Variants in UNC13C observed in about 807,000 individuals in gnomAD.
UNC13C encodes unc-13 homolog C.
In UNC13C, 174 loss-of-function variants were observed where a neutral mutation model predicts 245.4. The ratio of observed to expected loss-of-function variants is 0.71; its 90% CI spans 0.63 to 0.80. The LOEUF is 0.80. Ranked by LOEUF, UNC13C falls within the 30% of genes least tolerant of loss-of-function variation. The pLI is 0.00. For missense variants in UNC13C, 2,829 were observed against 2,602.9 expected (o/e 1.09, Z -1.89); for synonymous variants, 992 against 895.1 (o/e 1.11, Z -1.93).
chr15:53,989,106 A>C (rs576852984), intron 1 of UNC13C, among the ~76,000 whole-genome samples: 1 of 152,118 alleles, frequency 6.6e-6, no homozygotes, highest in South Asian at 2.1e-4. Context: ...GCTTGGTGTG[A>C]GTAAAACAGT....
At chr15:53,839,590 T>C in the UNC13C span, among the ~76,000 whole-genome samples, 1 of 152,094 alleles carries the variant, frequency 6.6e-6, no homozygotes, top group Non-Finnish European at 1.5e-5. Context: ...CTATAAACAG[T>C]ATATGAATTT....
chr15:54,237,883 C>G (rs1026622537), intron 7 of UNC13C, among the ~76,000 whole-genome samples, 193 bp downstream of exon 7: 1 of 152,108 alleles, frequency 6.6e-6, no homozygotes, highest in Non-Finnish European at 1.5e-5. Context: ...TCCTCAAATA[C>G]TTATAAACCT....
chr15:54,180,091 G>A (rs575492688), intron 4 of UNC13C, among the ~76,000 whole-genome samples: 1 of 152,098 alleles, frequency 6.6e-6, no homozygotes, highest in Non-Finnish European at 1.5e-5. Flanking sequence ...GAGGTTTGGG[G>A]TATGAATGAT....
chr15:53,976,184 C>G (rs1355416393), upstream of UNC13C, among the ~76,000 whole-genome samples: 2 of 152,120 alleles, frequency 1.3e-5, no homozygotes, highest in Non-Finnish European at 2.9e-5. Context: ...AGCCAGAGTC[C>G]CTCACATACA....
At chr15:54,587,368 A>G (rs1006527435) in intron 30 of UNC13C, among the ~76,000 whole-genome samples, 18 of 152,222 alleles carry the variant, frequency 1.2e-4, no homozygotes, top group Non-Finnish European at 2.1e-4. Context: ...CTCAGAGTCT[A>G]TTGTAAGGAA....
chr15:54,359,089 G>GT (rs1166408402), intron 17 of UNC13C, among the ~76,000 whole-genome samples: 3 of 151,278 alleles, frequency 2.0e-5, no homozygotes, highest in Admixed American at 1.3e-4. Context: ...TTGATTTTTT[G>GT]TTTTTTGTCC....
At chr15:53,881,869 C>T in the UNC13C span, among the ~76,000 whole-genome samples, 3,156 of 152,270 alleles carry the variant, frequency 0.021, 128 homozygotes, top group African/African-American at 0.072. Flanking sequence ...TGCATCATGC[C>T]TATAACCCAC....
the UNC13C span, among the ~76,000 whole-genome samples, chr15:53,908,506 A>T: frequency 1.4e-5 from 2 of 145,816 alleles, no homozygotes; most frequent in South Asian, 4.6e-4. Context: ...TAGGAGGCTG[A>T]GGTGGACAGA....
chr15:54,564,068 G>A (rs1897404583), intron 29 of UNC13C, among the ~76,000 whole-genome samples: 1 of 151,980 alleles, frequency 6.6e-6, no homozygotes, highest in South Asian at 2.1e-4. Context: ...CTTCTTCACT[G>A]TTGAAGTGAG....
At chr15:54,591,175 G>T (rs1898767586) in intron 30 of UNC13C, among the ~76,000 whole-genome samples, 1 of 152,098 alleles carries the variant, frequency 6.6e-6, no homozygotes, top group Admixed American at 6.6e-5. Flanking sequence ...CTTTTTGATA[G>T]GTTGTTGGAT....
At chr15:54,204,321 A>AAC (rs1172943391) in intron 4 of UNC13C, among the ~76,000 whole-genome samples, 3 of 149,112 alleles carry the variant, frequency 2.0e-5, no homozygotes, top group Non-Finnish European at 4.5e-5. Context: ...AAAAAAAAAA[A>AAC]CCAAAACCAC....
Position 54,356,112 on chromosome 15 carries a change from A to G in UNC13C, c.4713+17623A>G, listed in dbSNP as rs192216549. On this transcript the variant is annotated intron_variant, in intron 17 of 32. Transcript: ENST00000260323. ...TATTCCACTGAATGGACATTTCACA[A>G]TGTATTTAGCCTGCCCCTATTGGTG... Among the ~76,000 whole-genome samples, 294 of 152,296 alleles carry G rather than the reference A, an allele frequency of 1.9e-3. 3 individuals are homozygous for G. Among genetic ancestry groups the G allele is most frequent in the African/African-American group, 6.6e-3 (274 of 41,572 alleles).
At chr15:54,038,124 A>ATATATT in intron 2 of UNC13C, among the ~76,000 whole-genome samples, 2 of 45,032 alleles carry the variant, frequency 4.4e-5, no homozygotes, top group African/African-American at 1.1e-4. Flanking sequence ...ATATATATAT[A>ATATATT]TTTTTTTTTT....
At chr15:54,575,185 GC>G (rs1475854751) in intron 30 of UNC13C, among the ~76,000 whole-genome samples, 2 of 152,014 alleles carry the variant, frequency 1.3e-5, no homozygotes. Context: ...ACAGGTGCCC[GC>G]CACCACACCC....
intron 16 of UNC13C, among the ~76,000 whole-genome samples, chr15:54,335,542 A>G (rs913043701): frequency 6.6e-5 from 10 of 152,146 alleles, no homozygotes; most frequent in African/African-American, 2.4e-4. Flanking sequence ...CCCTTGTGCT[A>G]TACCATTGTT....
At chr15:53,878,067 C>T in the UNC13C span, among the ~76,000 whole-genome samples, 2 of 152,098 alleles carry the variant, frequency 1.3e-5, no homozygotes, top group African/African-American at 4.8e-5. Flanking sequence ...GAATATACCA[C>T]ATTTGTTTAT....
intron 29 of UNC13C, among the ~76,000 whole-genome samples, chr15:54,558,678 A>G (rs149113816): frequency 1.3e-5 from 2 of 152,140 alleles, no homozygotes; most frequent in East Asian, 3.9e-4. Context: ...AGTGTCAAAT[A>G]TGGCAGGAGT....
chr15:53,838,892 T>G, the UNC13C span, among the ~76,000 whole-genome samples: 2 of 152,054 alleles, frequency 1.3e-5, no homozygotes, highest in Non-Finnish European at 2.9e-5. Flanking sequence ...CAACTTCTGG[T>G]TAAGGTATAT....
intron 2 of UNC13C, among the ~76,000 whole-genome samples, chr15:54,133,099 C>T (rs2031528188): frequency 6.6e-6 from 1 of 152,152 alleles, no homozygotes; most frequent in Admixed American, 6.5e-5. Context: ...GGTGAATAAA[C>T]ATTCCTTGTT....
Sources: gnomAD v4.1 joint callset for allele counts (sites outside exome capture counted in the v4.1 genomes callset) on GRCh38, gnomAD v4.1.1 for gene constraint, MANE v1.5 for transcripts, NCBI Gene and HGNC (gene_info 2026-07-23, HGNC 2026-07-21) for gene names.